The following SYNE1 variants were observed in gnomAD, a reference collection of about 807,000 sequenced individuals.
The protein encoded by SYNE1 is nesprin-1.
A neutral mutation model predicts 1,111.0 loss-of-function variants in SYNE1; 616 were observed. The ratio of observed to expected loss-of-function variants is 0.55; its 90% CI spans 0.52 to 0.59. SYNE1 has a LOEUF of 0.59. Ranked by LOEUF, SYNE1 falls within the 20% of genes least tolerant of loss-of-function variation. SYNE1 has a pLI of 0.00. For synonymous variants in SYNE1, 3,855 were observed against 3,825.8 expected (o/e 1.01, Z -0.28); for missense variants, 10,006 against 10,417.0 (o/e 0.96, Z 1.72).
chr6:152,558,072 G>A (rs947832450), intron 3 of SYNE1, among the ~76,000 whole-genome samples: 1 of 152,114 alleles, frequency 6.6e-6, no homozygotes, highest in Admixed American at 6.5e-5. Context: ...CATGGGGAGA[G>A]GAGAAGTTAA....
Position 152,221,485 on chromosome 6 carries a change from T to C in SYNE1, c.21597A>G (p.Lys7199=), listed in dbSNP as rs2080170887. The C allele has an allele frequency of 5.6e-6, 9 of 1,614,014 alleles. No homozygotes were observed. Among genetic ancestry groups the C allele is most frequent in the Non-Finnish European group, 7.6e-6 (9 of 1,179,952 alleles). Residue 7199 remains lysine (K), a synonymous_variant, in exon 118 of 146, where the codon AAA becomes AAG. Transcript: ENST00000367255. ...TTTCTGTCACGGGTGGGTGACACTC[T>C]TTTAATAATTGGTTGGTGATAGAGC... ...KFGSITNQLL[K]ECHPPVTETL...
At chr6:152,139,015 G>A (rs2057772713) in intron 140 of SYNE1, among the ~76,000 whole-genome samples, 1 of 152,048 alleles carries the variant, frequency 6.6e-6, no homozygotes, top group Non-Finnish European at 1.5e-5. Context: ...ACTTACTTGA[G>A]GTCAAATAAC....
At chr6:152,406,632 CTGAGG>C (rs1380983505) in intron 45 of SYNE1, among the ~76,000 whole-genome samples, 1 of 152,112 alleles carries the variant, frequency 6.6e-6, no homozygotes, top group Admixed American at 6.6e-5. Flanking sequence ...CTTCAGGAGG[CTGAGG>C]TGGGCAGATC....
intron 34 of SYNE1, among the ~76,000 whole-genome samples, chr6:152,432,354 C>T (rs1263502600): frequency 6.6e-6 from 1 of 152,104 alleles, no homozygotes; most frequent in Non-Finnish European, 1.5e-5. Context: ...GGAAATAAAA[C>T]ATGAACCTAA....
At chr6:152,453,445 GTTTT>G in intron 25 of SYNE1, 137 bp downstream of exon 25, 1 of 1,232,750 alleles carries the variant, frequency 8.1e-7, no homozygotes, top group Non-Finnish European at 1.2e-6. Flanking sequence ...TTTAAGTCCA[GTTTT>G]TTGAGTTTTT....
intron 48 of SYNE1, among the ~76,000 whole-genome samples, chr6:152,398,989 A>C (rs1403937087): frequency 6.6e-6 from 1 of 152,244 alleles, no homozygotes; most frequent in Non-Finnish European, 1.5e-5. Flanking sequence ...GGAATGTCTA[A>C]TATCCTGTTG....
chr6:152,289,511 C>A (rs1447417370), intron 95 of SYNE1, among the ~76,000 whole-genome samples: 1 of 152,216 alleles, frequency 6.6e-6, no homozygotes, highest in Non-Finnish European at 1.5e-5. Flanking sequence ...CTGTCTCAGC[C>A]TCCTGAGTAG....
At chr6:152,149,058 G>A (rs1337170421) in intron 136 of SYNE1, among the ~76,000 whole-genome samples, 2 of 152,112 alleles carry the variant, frequency 1.3e-5, no homozygotes, top group Admixed American at 6.5e-5. Flanking sequence ...TGTTCACTTT[G>A]CTTCCTTTTA....
In SYNE1 at chr6:152,231,455, A is replaced by G; in HGVS notation, c.20975T>C (p.Phe6992Ser). 1 of 1,614,160 alleles carries G rather than the reference A, an allele frequency of 6.2e-7. No homozygotes were observed. Among genetic ancestry groups the G allele is most frequent in the Non-Finnish European group, 8.5e-7 (1 of 1,180,024 alleles). Residue 6992 changes from phenylalanine to serine, a missense_variant, in exon 114 of 146, where the codon TTT becomes TCT. Around this residue, in one of 7 missense-constraint regions of SYNE1, gnomAD observed 2,182 missense variants for 2,287.8 expected, o/e 0.95. Transcript: ENST00000367255. ...VESKRSDKTDFAEQLGAMNKS... is the reference protein window; with the variant it reads ...VESKRSDKTDSAEQLGAMNKS... ...ATTCATTGCTCCAAGTTGCTCAGCA[A>G]AATCAGTCTTATCACTACGCTTACT... is the stretch of plus-strand genomic sequence containing the variant.
chr6:152,610,113 C>T (rs1176675025), intron 3 of SYNE1, among the ~76,000 whole-genome samples: 2 of 152,154 alleles, frequency 1.3e-5, no homozygotes, highest in Non-Finnish European at 2.9e-5. Context: ...AGCTCCTCGC[C>T]AGCAATGGAA....
chr6:152,340,187 A>C (rs72999352), intron 74 of SYNE1, among the ~76,000 whole-genome samples: 343 of 152,340 alleles, frequency 2.3e-3, no homozygotes, highest in Non-Finnish European at 2.6e-3. Context: ...ACCTGAATGC[A>C]TGGCATGGCA....
At chr6:152,414,021 A>G (rs1294053918) in intron 41 of SYNE1, among the ~76,000 whole-genome samples, 1 of 148,390 alleles carries the variant, frequency 6.7e-6, no homozygotes, top group African/African-American at 2.5e-5. Flanking sequence ...TTTTTTTTTT[A>G]AACTTAAATT....
At chr6:152,234,049 A>G in intron 111 of SYNE1, 86 bp from the exon 112 acceptor site, 1 of 1,370,810 alleles carries the variant, frequency 7.3e-7, no homozygotes, top group Non-Finnish European at 1.0e-6. Flanking sequence ...GCATGAAACA[A>G]TTTCCTTTAC....
chr6:152,159,775 C>T (rs2062071789), intron 131 of SYNE1, among the ~76,000 whole-genome samples: 1 of 152,072 alleles, frequency 6.6e-6, no homozygotes, highest in African/African-American at 2.4e-5. Context: ...CAACCTATTT[C>T]TATATTTCTC....
chr6:152,511,703 CTGTGGTAA>C, intron 6 of SYNE1: 1 of 1,097,764 alleles, frequency 9.1e-7, no homozygotes, highest in Non-Finnish European at 1.4e-6. Context: ...TAGAACCTGA[CTGTGGTAA>C]TACGTTTTAA....
chr6:152,164,797 A>G (rs1244364086), intron 130 of SYNE1, among the ~76,000 whole-genome samples: 1 of 152,150 alleles, frequency 6.6e-6, no homozygotes, highest in Non-Finnish European at 1.5e-5. Flanking sequence ...AATTGCTGCT[A>G]CCTTTAGACT....
intron 3 of SYNE1, among the ~76,000 whole-genome samples, chr6:152,584,481 T>C (rs1440006857): frequency 6.6e-6 from 1 of 152,182 alleles, no homozygotes; most frequent in African/African-American, 2.4e-5. Flanking sequence ...CCTTGCTCTG[T>C]CACCCAGGCT....
rs191664620 is a variant in SYNE1, at chr6:152,314,705, T to A, written c.16710+2144A>T. On this transcript the variant is annotated intron_variant, in intron 87 of 145. Transcript: ENST00000367255. ...TAAACAAACGCTTGTATTCCCAGAA[T>A]TTGGGGATGCCAAGGCGAGTAGATC... is the stretch of plus-strand genomic sequence containing the variant. 3.1e-3 allele frequency among the ~76,000 whole-genome samples: 464 copies of A among 152,088 alleles called. 3 individuals carry two copies. The highest frequency in any genetic ancestry group is 0.011 in the African/African-American group (454 of 41,536).
chr6:152,441,056 A>G (rs1592747562), intron 32 of SYNE1, 74 bp downstream of exon 32: 1 of 1,548,134 alleles, frequency 6.5e-7, no homozygotes, highest in Non-Finnish European at 8.9e-7. Flanking sequence ...TAATAGTAAT[A>G]ATGGAGGAGA....
Sources: allele counts gnomAD v4.1 joint callset (sites outside exome capture counted in the v4.1 genomes callset), GRCh38; gene constraint gnomAD v4.1.1; regional missense constraint gnomAD v4.1.1; transcripts MANE v1.5; gene names NCBI Gene and HGNC (gene_info 2026-07-23, HGNC 2026-07-21).